Variants in PIEZO2 observed in about 807,000 individuals in gnomAD.
PIEZO2 encodes the protein piezo type mechanosensitive ion channel component 2.
Under a neutral mutation model 337.3 loss-of-function variants are expected in PIEZO2, and 172 were observed. That is an observed-to-expected ratio of 0.51 (90% CI 0.45 to 0.58). The LOEUF is 0.58. PIEZO2 is among the 20% of genes least tolerant of loss of function. The pLI is 0.00. For missense variants in PIEZO2, 3,028 were observed against 3,391.3 expected, an observed-to-expected ratio of 0.89 and a Z score of 2.66; for synonymous variants, 1,251 against 1,228.5, an observed-to-expected ratio of 1.02 and a Z score of -0.38.
chr18:10,897,342 A>G (rs929685357), intron 4 of PIEZO2, among the ~76,000 whole-genome samples: 1 of 152,146 alleles, frequency 6.6e-6, no homozygotes, highest in Non-Finnish European at 1.5e-5. Flanking sequence ...GCCCAACACC[A>G]TACCTGGCTA....
intron 4 of PIEZO2, among the ~76,000 whole-genome samples, chr18:10,886,094 C>T (rs1460307058): frequency 7.3e-5 from 11 of 151,418 alleles, no homozygotes; most frequent in Non-Finnish European, 4.4e-5. Context: ...ATCACTAACA[C>T]ACACACACAC....
intron 7 of PIEZO2, among the ~76,000 whole-genome samples, chr18:10,829,593 TC>T (rs1321738719): frequency 6.6e-6 from 1 of 152,088 alleles, no homozygotes; most frequent in South Asian, 2.1e-4. Context: ...ACAAACAAGT[TC>T]AATAAACTTA....
In PIEZO2 at chr18:10,783,596, T is replaced by G. The variant is rs113585339; in HGVS notation, c.2492+1188A>C. 2.2e-3 allele frequency among the ~76,000 whole-genome samples: 336 copies of G among 152,266 alleles called. 2 individuals are homozygous for G. The highest frequency in any genetic ancestry group is 4.3e-3 in the Non-Finnish European group (295 of 68,022). On this transcript the variant is annotated intron_variant, in intron 17 of 55. Transcript: ENST00000674853. This position sits in a 1 kb window ranked among gnomAD's most constrained non-coding sequence, Gnocchi z 4.3. ...TGGAGATGGTAAACCACTGACCCCA[T>G]CCATGCCCTCCTCCCTGCTGGGGCC...
intron 48 of PIEZO2, among the ~76,000 whole-genome samples, chr18:10,690,969 T>A (rs2034794081): frequency 6.6e-6 from 1 of 152,188 alleles, no homozygotes; most frequent in South Asian, 2.1e-4. Context: ...CATTCTCAAA[T>A]ATTATCACAG....
At chr18:10,693,826 G>T (rs2034968070) in intron 47 of PIEZO2, among the ~76,000 whole-genome samples, 1 of 152,002 alleles carries the variant, frequency 6.6e-6, no homozygotes, top group East Asian at 1.9e-4. Context: ...AGCGTTTTAA[G>T]GTGTCTTTCT....
chr18:11,097,529 G>A lies in PIEZO2; in HGVS notation c.65-31307C>T, dbSNP rs1270722851. ...CCTCTGACCAGAAAACACAGGGCCT[G>A]GCCATAACTGCTTCACAGTTTGAAG... On this transcript the variant is annotated intron_variant, in intron 1 of 55. Coordinates refer to ENST00000674853, the MANE Select transcript of PIEZO2 (RefSeq NM_001378183.1). This position sits in a 1 kb window ranked among gnomAD's most constrained non-coding sequence, Gnocchi z 5.0. 6.6e-6 allele frequency among the ~76,000 whole-genome samples: 1 copy of A among 152,186 alleles called. No individual in the cohort carries two copies. Among genetic ancestry groups the A allele is most frequent in the Non-Finnish European group, 1.5e-5 (1 of 68,042 alleles).
In PIEZO2 at chr18:11,144,949, A is replaced by G. The variant is rs762012027; in HGVS notation, c.64+3576T>C. Among the ~76,000 whole-genome samples the G allele has an allele frequency of 3.4e-4, 52 of 152,358 alleles. 2 individuals are homozygous for G. In the Middle Eastern group the frequency reaches 0.01, roughly 30 times the overall value. ...AACATCAGTTAAAAACAAATACACC[A>G]GTGCATTCTTGACCGAAAAAATCTC... On this transcript the variant is annotated intron_variant, in intron 1 of 55. Transcript: ENST00000674853.
At chr18:10,925,734 A>G (rs1416700162) in intron 3 of PIEZO2, among the ~76,000 whole-genome samples, 2 of 151,964 alleles carry the variant, frequency 1.3e-5, no homozygotes, top group Non-Finnish European at 1.5e-5. Flanking sequence ...CGCCCGCCCT[A>G]ATCTTCGGTA....
At chr18:10,936,790 G>A (rs2032426361) in intron 3 of PIEZO2, among the ~76,000 whole-genome samples, 1 of 152,220 alleles carries the variant, frequency 6.6e-6, no homozygotes, top group Non-Finnish European at 1.5e-5. Flanking sequence ...GCTGGGTTCT[G>A]TTTTGAAGAC....
intron 1 of PIEZO2, among the ~76,000 whole-genome samples, chr18:11,135,497 T>C (rs187818714): frequency 1.3e-5 from 2 of 152,364 alleles, no homozygotes; most frequent in African/African-American, 2.4e-5. Context: ...ATGCATTATA[T>C]GCATATTCAA....
chr18:11,025,548 C>T (rs2036509559), intron 2 of PIEZO2, among the ~76,000 whole-genome samples: 2 of 152,140 alleles, frequency 1.3e-5, no homozygotes, highest in South Asian at 4.1e-4. Flanking sequence ...TTCCATTATC[C>T]TGGCGATCTT....
Position 10,761,042 on chromosome 18 carries a change from C to T in PIEZO2, c.3319G>A (p.Gly1107Ser). 1 of 1,537,158 alleles carries T rather than the reference C, an allele frequency of 6.5e-7. No individual in the cohort carries two copies. The highest frequency in any genetic ancestry group is 8.7e-7 in the Non-Finnish European group (1 of 1,146,828). Residue 1107 changes from glycine (G) to serine (S), a missense_variant, in exon 24 of 56, where the codon GGT becomes AGT. Gly to Ser is a moderately conservative substitution (Grantham distance 56). Transcript: ENST00000674853. Reference sequence around the variant, plus strand: ...ACAGGGGCCGTCAGGTTATTTCGACCTCGATAGTATTCCTGATGGCGGTAA... The same window carrying T: ...ACAGGGGCCGTCAGGTTATTTCGACTTCGATAGTATTCCTGATGGCGGTAA... ...TIYRHQEYYR[G>S]RNNLTAPVSR...
At position 10,748,974 on chromosome 18, in the gene PIEZO2, C is replaced by G. The variant is rs1487840809; in HGVS notation, c.4265-344G>C. On this transcript the variant is annotated intron_variant, in intron 29 of 55. Coordinates refer to ENST00000674853, the MANE Select transcript of PIEZO2 (RefSeq NM_001378183.1). This position sits in a 1 kb window ranked among gnomAD's most constrained non-coding sequence, Gnocchi z 5.1. ...ATGTCCCAGTGCCAGTGGAAATGCT[C>G]TTATACAAAAGAAAACACCCATTCT... Among the ~76,000 whole-genome samples the G allele has an allele frequency of 6.6e-6, 1 of 152,016 alleles. No homozygotes were observed. The highest frequency in any genetic ancestry group is 2.4e-5 in the African/African-American group (1 of 41,376).
At chr18:11,086,565 T>G (rs1255074122) in intron 1 of PIEZO2, among the ~76,000 whole-genome samples, 1 of 152,016 alleles carries the variant, frequency 6.6e-6, no homozygotes, top group Non-Finnish European at 1.5e-5. Context: ...CTAATGAGAC[T>G]GATAAATAAG....
rs2042314646 is a variant in PIEZO2 at position 10,878,020 on chromosome 18, C to G, written c.330-6605G>C. 6.6e-6 allele frequency among the ~76,000 whole-genome samples: 1 copy of G among 152,168 alleles called. No individual in the cohort carries two copies. Among genetic ancestry groups the G allele is most frequent in the Admixed American group, 6.5e-5 (1 of 15,272 alleles). On this transcript the variant is annotated intron_variant, in intron 4 of 55. Coordinates refer to ENST00000674853, the MANE Select transcript of PIEZO2 (RefSeq NM_001378183.1). This position sits in a 1 kb window ranked among gnomAD's most constrained non-coding sequence, Gnocchi z 4.3. ...GTTCTCCTCATCTCTAAAAACACAC[C>G]TGCCATGTCTCCTCTGTGAAGCCCT...
At chr18:10,946,246 A>C (rs1352305335) in intron 3 of PIEZO2, among the ~76,000 whole-genome samples, 2 of 152,240 alleles carry the variant, frequency 1.3e-5, no homozygotes, top group Non-Finnish European at 2.9e-5. Flanking sequence ...TTGCAGGCAG[A>C]CAAACAAAGA....
intron 16 of PIEZO2, among the ~76,000 whole-genome samples, chr18:10,785,448 C>A (rs2039185108): frequency 1.3e-5 from 2 of 152,224 alleles, no homozygotes; most frequent in South Asian, 4.1e-4. Flanking sequence ...CTGTAAGATT[C>A]TCGTGCCCAA....
chr18:10,777,386 T>C (rs936326948), intron 18 of PIEZO2, among the ~76,000 whole-genome samples: 2 of 152,234 alleles, frequency 1.3e-5, no homozygotes, highest in African/African-American at 4.8e-5. Flanking sequence ...ATTCTAAGTA[T>C]GGGTTCTGGG....
intron 27 of PIEZO2, among the ~76,000 whole-genome samples, chr18:10,756,273 G>A (rs2037841738): frequency 6.6e-6 from 1 of 151,656 alleles, no homozygotes; most frequent in Non-Finnish European, 1.5e-5. Context: ...GAGGGATGGA[G>A]ATGAAGAGGA....
Sources: allele counts gnomAD v4.1 joint callset (sites outside exome capture counted in the v4.1 genomes callset), GRCh38; gene constraint gnomAD v4.1.1; non-coding constraint Gnocchi (gnomAD v3.1); transcripts MANE v1.5; gene names NCBI Gene and HGNC (gene_info 2026-07-23, HGNC 2026-07-21).